USO1: variants seen among roughly 807,000 people sequenced by gnomAD.
USO1 encodes the protein USO1 vesicle transport factor, also known as general vesicular transport factor p115.
Under a neutral mutation model 124.5 loss-of-function variants are expected in USO1, and 57 were observed. That is an observed-to-expected ratio of 0.46 (90% CI 0.37 to 0.57). The LOEUF (loss-of-function observed/expected upper bound fraction) is 0.57. USO1 is among the 20% of genes least tolerant of loss of function. The pLI is 0.00. For synonymous variants in USO1, 369 were observed against 362.8 expected (o/e 1.02, Z -0.19); for missense variants, 900 against 1,040.6 (o/e 0.86, Z 1.86).
chr4:75,806,534 T>G lies in USO1; in HGVS notation c.2338T>G (p.Ser780Ala). ...AAATGAACAGTCTTCAGCAATAGTTTCAGCTAGAGATTCTGAACAAGTTGC... is the reference window on the plus strand; with the variant it reads ...AAATGAACAGTCTTCAGCAATAGTTGCAGCTAGAGATTCTGAACAAGTTGC... ...GTNEQSSAIV[S>A]ARDSEQVAEL... is the part of the protein sequence containing the mutation. The change falls in exon 20 of 24, where the codon TCA (serine) becomes GCA (alanine). Residue 780 changes from serine to alanine, a missense_variant. By Grantham distance (99) the Ser-to-Ala change is moderately conservative. Transcript: ENST00000514213. 1 of 1,561,822 alleles carries G rather than the reference T, an allele frequency of 6.4e-7. No homozygotes were observed. Among genetic ancestry groups the G allele is most frequent in the Non-Finnish European group, 8.7e-7 (1 of 1,151,794 alleles).
intron 13 of USO1, among the ~76,000 whole-genome samples, 179 bp from the exon 14 acceptor site, chr4:75,799,443 C>T (rs1350120430): frequency 6.6e-6 from 1 of 152,146 alleles, no homozygotes; most frequent in Non-Finnish European, 1.5e-5. Flanking sequence ...TTAGGAAGTG[C>T]AGCCTGTGGT....
At chr4:75,787,406 A>C (rs959653464) in intron 10 of USO1, among the ~76,000 whole-genome samples, 1 of 152,222 alleles carries the variant, frequency 6.6e-6, no homozygotes. Context: ...TTTATAGTAC[A>C]TAAATAATAA....
intron 10 of USO1, among the ~76,000 whole-genome samples, chr4:75,789,928 T>C (rs1429827142): frequency 1.3e-5 from 2 of 152,086 alleles, no homozygotes; most frequent in African/African-American, 2.4e-5. Context: ...AATGTTATCA[T>C]TGATGTTTTT....
chr4:75,767,742 T>A (rs1721807923), intron 4 of USO1, among the ~76,000 whole-genome samples: 1 of 152,242 alleles, frequency 6.6e-6, no homozygotes, highest in African/African-American at 2.4e-5. Context: ...TGGTACATCA[T>A]CTTGATTACT....
intron 7 of USO1, among the ~76,000 whole-genome samples, chr4:75,772,780 A>T (rs1252991292): frequency 6.6e-6 from 1 of 151,994 alleles, no homozygotes; most frequent in Admixed American, 6.6e-5. Context: ...TCATTTTCAG[A>T]TATAAAAGTG....
At chr4:75,748,400 A>C (rs985489594) in intron 1 of USO1, among the ~76,000 whole-genome samples, 1 of 145,512 alleles carries the variant, frequency 6.9e-6, no homozygotes, top group African/African-American at 2.6e-5. Flanking sequence ...CATTGCCTAC[A>C]CTGGTCTTGA....
At chr4:75,730,783 G>A (rs1720608939) in intron 1 of USO1, among the ~76,000 whole-genome samples, 1 of 151,282 alleles carries the variant, frequency 6.6e-6, no homozygotes, top group African/African-American at 2.4e-5. Flanking sequence ...AACATTTTTT[G>A]TGTCAAAAGT....
intron 7 of USO1, among the ~76,000 whole-genome samples, chr4:75,773,675 T>C (rs1015235533): frequency 6.6e-6 from 1 of 152,198 alleles, no homozygotes; most frequent in African/African-American, 2.4e-5. Context: ...TAAACTGAAG[T>C]TGGCAGCATT....
chr4:75,785,314 GA>G (rs1722328740), intron 9 of USO1, among the ~76,000 whole-genome samples: 1 of 151,964 alleles, frequency 6.6e-6, no homozygotes, highest in Non-Finnish European at 1.5e-5. Context: ...TATATTTAGG[GA>G]AAACATCTTT....
chr4:75,752,235 ATAGT>A (rs1721313689), intron 1 of USO1, 134 bp from the exon 2 acceptor site: 1 of 393,824 alleles, frequency 2.5e-6, no homozygotes, highest in African/African-American at 2.1e-5. Context: ...ACCTAAATGC[ATAGT>A]TAGATTTCTG....
chr4:75,805,097 G>A, intron 18 of USO1, 43 bp from the exon 19 acceptor site: 1 of 1,511,012 alleles, frequency 6.6e-7, no homozygotes, highest in Admixed American at 2.4e-5. Context: ...ATGAAAAACT[G>A]AAGTTTCCCG....
intron 1 of USO1, among the ~76,000 whole-genome samples, chr4:75,726,567 CA>C (rs34164088): frequency 1.4e-3 from 205 of 142,972 alleles, no homozygotes; most frequent in African/African-American, 3.2e-3. Flanking sequence ...GACTCCATCT[CA>C]AAAAAAAAAA....
chr4:75,771,789 G>T (rs1301459708), intron 7 of USO1, among the ~76,000 whole-genome samples: 1 of 152,104 alleles, frequency 6.6e-6, no homozygotes, highest in Non-Finnish European at 1.5e-5. Flanking sequence ...TTTTGTATTT[G>T]ATGCTGTATA....
intron 7 of USO1, among the ~76,000 whole-genome samples, chr4:75,772,396 C>A (rs536262033): frequency 1.3e-5 from 2 of 151,978 alleles, no homozygotes; most frequent in African/African-American, 4.8e-5. Context: ...GACATCACCC[C>A]CAGCTAATTT....
At chr4:75,781,790 T>C (rs1375724180) in intron 8 of USO1, among the ~76,000 whole-genome samples, 1 of 152,184 alleles carries the variant, frequency 6.6e-6, no homozygotes, top group Non-Finnish European at 1.5e-5. Flanking sequence ...TTTGTCAACA[T>C]ACAGCTCAAC....
At chr4:75,808,405 A>T (rs181130138) in intron 20 of USO1, among the ~76,000 whole-genome samples, 2 of 152,280 alleles carry the variant, frequency 1.3e-5, no homozygotes, top group Non-Finnish European at 2.9e-5. Context: ...GGATCTGATG[A>T]TCTATTTCTT....
chr4:75,795,961 G>A (rs572316345), intron 13 of USO1, among the ~76,000 whole-genome samples: 1 of 151,902 alleles, frequency 6.6e-6, no homozygotes, highest in African/African-American at 2.4e-5. Flanking sequence ...GTGAGTATTT[G>A]GCAGAAAAGG....
At chr4:75,734,718 C>CTT (rs55928639) in intron 1 of USO1, among the ~76,000 whole-genome samples, 11,699 of 47,200 alleles carry the variant, frequency 0.25, 4,515 homozygotes, top group African/African-American at 0.36. Flanking sequence ...GGCAGTATGG[C>CTT]TTTTTTTTTT....
chr4:75,762,857 G>A (rs1721658101), intron 4 of USO1, among the ~76,000 whole-genome samples: 1 of 152,218 alleles, frequency 6.6e-6, no homozygotes. Flanking sequence ...GAACCTGGGA[G>A]GCGGAGCTTG....
Sources: allele counts gnomAD v4.1 joint callset (sites outside exome capture counted in the v4.1 genomes callset), GRCh38; gene constraint gnomAD v4.1.1; transcripts MANE v1.5; gene names NCBI Gene and HGNC (gene_info 2026-07-23, HGNC 2026-07-21).